ADAM12: variants seen among roughly 807,000 people sequenced by gnomAD.
The protein encoded by ADAM12 is ADAM metallopeptidase domain 12.
ADAM12 carries 70 observed loss-of-function variants against 106.4 expected under a neutral mutation model. The ratio of observed to expected loss-of-function variants is 0.66; its 90% CI spans 0.54 to 0.80. The LOEUF (loss-of-function observed/expected upper bound fraction) is 0.80. ADAM12 is among the 30% of genes least tolerant of loss of function. ADAM12 has a pLI of 0.00. For synonymous variants in ADAM12, 420 were observed against 433.5 expected, an observed-to-expected ratio of 0.97 and a Z score of 0.39; for missense variants, 1,010 against 1,171.9, an observed-to-expected ratio of 0.86 and a Z score of 2.02.
At chr10:126,293,187 A>T (rs1195356552) in intron 2 of ADAM12, among the ~76,000 whole-genome samples, 1 of 152,244 alleles carries the variant, frequency 6.6e-6, no homozygotes, top group Admixed American at 6.5e-5. Flanking sequence ...CCTAAGAGTC[A>T]GGAGAATTCT....
At chr10:126,078,724 A>AAATTTTGG (rs1250261641) in intron 11 of ADAM12, among the ~76,000 whole-genome samples, 2 of 152,032 alleles carry the variant, frequency 1.3e-5, no homozygotes, top group African/African-American at 4.8e-5. Context: ...TTTGAATTTA[A>AAATTTTGG]AATTTTGGAA....
chr10:126,115,053 T>A (rs947063698), intron 6 of ADAM12, among the ~76,000 whole-genome samples: 1 of 152,168 alleles, frequency 6.6e-6, no homozygotes, highest in Admixed American at 6.5e-5. Flanking sequence ...CCAGTTCATT[T>A]CAGAATGGCC....
chr10:126,026,874 CAA>C (rs1260459995), intron 21 of ADAM12, among the ~76,000 whole-genome samples: 1 of 152,022 alleles, frequency 6.6e-6, no homozygotes, highest in Non-Finnish European at 1.5e-5. Context: ...ACTAGAGAAA[CAA>C]GAGCAAACCC....
chr10:126,205,449 T>C (rs1957778143), intron 3 of ADAM12, among the ~76,000 whole-genome samples: 1 of 152,178 alleles, frequency 6.6e-6, no homozygotes, highest in Non-Finnish European at 1.5e-5. Flanking sequence ...TAATTTAATG[T>C]CAGCAAGAGT....
intron 2 of ADAM12, among the ~76,000 whole-genome samples, chr10:126,285,481 C>T (rs1959811105): frequency 6.6e-6 from 1 of 152,182 alleles, no homozygotes; most frequent in South Asian, 2.1e-4. Context: ...ATTATGGGAC[C>T]TGGGCTGATG....
chr10:126,347,208 G>A (rs1223929159), intron 1 of ADAM12, among the ~76,000 whole-genome samples: 1 of 152,172 alleles, frequency 6.6e-6, no homozygotes, highest in African/African-American at 2.4e-5. Context: ...GCTCTTTTAG[G>A]GCAGGCTGGT....
At chr10:126,081,323 T>C (rs1955210895) in intron 11 of ADAM12, among the ~76,000 whole-genome samples, 1 of 152,128 alleles carries the variant, frequency 6.6e-6, no homozygotes, top group African/African-American at 2.4e-5. Flanking sequence ...AAAGCCAAAG[T>C]TGCAGGGAAC....
chr10:126,022,369 C>T (rs1953784826), intron 21 of ADAM12, among the ~76,000 whole-genome samples: 1 of 152,186 alleles, frequency 6.6e-6, no homozygotes, highest in Admixed American at 6.5e-5. Flanking sequence ...TTCCTCCAGC[C>T]ATGGCCAGGA....
At chr10:126,369,545 G>A (rs1220813405) in intron 1 of ADAM12, among the ~76,000 whole-genome samples, 3 of 152,158 alleles carry the variant, frequency 2.0e-5, no homozygotes, top group African/African-American at 7.2e-5. Context: ...GTTGGAGTGA[G>A]AGTGGGAAAA....
intron 10 of ADAM12, among the ~76,000 whole-genome samples, chr10:126,097,381 C>T (rs1329590021): frequency 6.6e-6 from 1 of 152,186 alleles, no homozygotes; most frequent in Non-Finnish European, 1.5e-5. Context: ...CTCCACGCAG[C>T]TTTGACCCTT....
chr10:126,098,289 A>G (rs540911974), intron 10 of ADAM12, 127 bp downstream of exon 10: 113 of 758,280 alleles, frequency 1.5e-4, no homozygotes, highest in Non-Finnish European at 2.3e-4. Flanking sequence ...ATACAGCTAC[A>G]GTAAAAATAG....
chr10:126,185,529 T>C (rs566737230), intron 3 of ADAM12, among the ~76,000 whole-genome samples: 62 of 152,164 alleles, frequency 4.1e-4, no homozygotes, highest in African/African-American at 1.5e-3. Flanking sequence ...AAGTACATAA[T>C]GGGGCCAATT....
intron 19 of ADAM12, among the ~76,000 whole-genome samples, chr10:126,038,817 T>C (rs919340081): frequency 2.0e-5 from 3 of 152,092 alleles, no homozygotes; most frequent in Non-Finnish European, 4.4e-5. Context: ...AGGAGGCAGC[T>C]GATCTGGCAG....
chr10:126,359,291 A>G (rs929609849), intron 1 of ADAM12, among the ~76,000 whole-genome samples: 1 of 152,136 alleles, frequency 6.6e-6, no homozygotes, highest in Non-Finnish European at 1.5e-5. Flanking sequence ...AAAACCAATC[A>G]TGCCTTCCCA....
chr10:126,224,424 C>T (rs1261384005), intron 3 of ADAM12, among the ~76,000 whole-genome samples: 3 of 152,144 alleles, frequency 2.0e-5, no homozygotes, highest in Admixed American at 6.5e-5. Context: ...TGGACTCTTT[C>T]CCCAGGGCCT....
chr10:126,071,628 C>T lies in ADAM12; in HGVS notation c.1172G>A (p.Ser391Asn). 6.2e-7 allele frequency: 1 copy of T among 1,614,144 alleles called. No individual in the cohort carries two copies. Among genetic ancestry groups the T allele is most frequent in the Non-Finnish European group, 8.5e-7 (1 of 1,180,008 alleles). Residue 391 changes from serine (S) to asparagine (N), a missense_variant, in exon 12 of 23, where the codon AGT becomes AAT. Ser to Asn is a conservative substitution (Grantham distance 46). Coordinates refer to ENST00000448723, the MANE Select transcript of ADAM12 (RefSeq NM_001288973.2). ...GGTCTCCAAGTCCTTCCTGCTGCAA[C>T]TGCTGAACACCATGGGAAATGGGTA... Reference protein sequence around the residue: ...TGYPFPMVFSSCSRKDLETSL... With the variant: ...TGYPFPMVFSNCSRKDLETSL...
rs949781860 is a variant in ADAM12, at chr10:126,330,307, C to G, written c.186+105G>C. The G allele has an allele frequency of 5.4e-5, 52 of 960,818 alleles. 1 individual carries two copies. The highest frequency in any genetic ancestry group is 8.0e-5 in the Non-Finnish European group (51 of 641,244). 59.5% of individuals were successfully genotyped at this position (960,818 alleles called of 1,614,324 possible). A position where few individuals can be genotyped will look rare whatever the true frequency, so the allele number is the denominator to read the frequency against. On this transcript the variant is annotated intron_variant, in intron 2 of 22. Transcript: ENST00000448723. Reference sequence around the variant, plus strand: ...TTCCATTCTCTAAGGATAGAGTTAGCATTAAAGTGAGTAGAGACAACCCTT... The same window carrying G: ...TTCCATTCTCTAAGGATAGAGTTAGGATTAAAGTGAGTAGAGACAACCCTT...
At position 126,190,492 on chromosome 10, in the gene ADAM12, C is replaced by T. The variant is rs138427330; in HGVS notation, c.261-35187G>A. ...AAGTGGTGGGATTACAGGCATGAGA[C>T]ACCACACCCGGCCCCAATTCATTCA... On this transcript the variant is annotated intron_variant, in intron 3 of 22. Transcript: ENST00000448723. Among the ~76,000 whole-genome samples, 569 of 152,224 alleles carry T rather than the reference C, an allele frequency of 3.7e-3. 2 individuals are homozygous for T. The highest frequency in any genetic ancestry group is 0.013 in the African/African-American group (545 of 41,544).
intron 7 of ADAM12, among the ~76,000 whole-genome samples, 160 bp from the exon 8 acceptor site, chr10:126,108,824 C>T (rs764553851): frequency 1.1e-4 from 17 of 152,176 alleles, no homozygotes; most frequent in Non-Finnish European, 1.6e-4. Context: ...CTAACTTTCC[C>T]GGCTGGGGAC....
Sources: allele counts gnomAD v4.1 joint callset (sites outside exome capture counted in the v4.1 genomes callset), GRCh38; gene constraint gnomAD v4.1.1; transcripts MANE v1.5; gene names NCBI Gene and HGNC (gene_info 2026-07-23, HGNC 2026-07-21).